The following SMYD4 variants were observed in gnomAD, a reference collection of about 807,000 sequenced individuals.
SMYD4 encodes the protein protein-lysine N-methyltransferase SMYD4.
In SMYD4, 68 loss-of-function variants were observed where a neutral mutation model predicts 72.8. The observed-to-expected ratio is 0.93, with a 90% CI of 0.77 to 1.14. The LOEUF (loss-of-function observed/expected upper bound fraction) is 1.14. SMYD4 is among the 50% of genes most tolerant of loss of function. The probability of loss-of-function intolerance (pLI) is 0.00; values close to 1 mark genes in which losing one functional copy is unlikely to be tolerated. For missense variants in SMYD4, 984 were observed against 1,003.7 expected (o/e 0.98, Z 0.27); for synonymous variants, 407 against 388.6 (o/e 1.05, Z -0.56).
chr17:1,784,743 C>T (rs749300684), intron 7 of SMYD4, among the ~76,000 whole-genome samples: 5 of 152,054 alleles, frequency 3.3e-5, no homozygotes, highest in Non-Finnish European at 5.9e-5. Flanking sequence ...CCCCTCTTGT[C>T]GCTTTTTGGG....
chr17:1,814,702 T>C (rs1404729885), intron 2 of SMYD4: 4 of 152,116 alleles, frequency 2.6e-5, no homozygotes, highest in Non-Finnish European at 5.9e-5. Context: ...CAAGCACTTG[T>C]AGTCTCAGCT....
At chr17:1,812,193 C>G in intron 2 of SMYD4, 78 bp from the exon 3 acceptor site, 1 of 1,513,758 alleles carries the variant, frequency 6.6e-7, no homozygotes, top group African/African-American at 1.4e-5. Context: ...GCCCTCAAAA[C>G]AAGAAAGTGG....
At chr17:1,794,105 A>ATATTTTTTTT (rs1291818005) in intron 5 of SMYD4, among the ~76,000 whole-genome samples, 1 of 12,992 alleles carries the variant, frequency 7.7e-5, no homozygotes, top group Non-Finnish European at 1.4e-4. Context: ...ATATATATAT[A>ATATTTTTTTT]TTTTTTTTTT....
intron 7 of SMYD4, among the ~76,000 whole-genome samples, 156 bp downstream of exon 7, chr17:1,786,653 AG>A (rs1908707720): frequency 6.6e-6 from 1 of 152,280 alleles, no homozygotes; most frequent in Non-Finnish European, 1.5e-5. Context: ...GTTTCTCTGG[AG>A]GGGAACTAGT....
chr17:1,782,193 C>T (rs907270989), intron 10 of SMYD4: 1 of 152,128 alleles, frequency 6.6e-6, no homozygotes, highest in Non-Finnish European at 1.5e-5. Context: ...AAACAAAAAA[C>T]AAACAACAGC....
chr17:1,784,887 A>G (rs1908571932), intron 7 of SMYD4, among the ~76,000 whole-genome samples: 1 of 151,330 alleles, frequency 6.6e-6, no homozygotes, highest in Admixed American at 6.6e-5. Flanking sequence ...CTCCTGCCTC[A>G]GTCTCCCGAG....
rs1171209912 is a variant in SMYD4, at chr17:1,781,315, G to GT, written c.2385dup (p.Pro796ThrfsTer28). On this transcript the variant is annotated frameshift_variant, in exon 11 of 11. Coordinates refer to ENST00000305513, the MANE Select transcript of SMYD4 (RefSeq NM_052928.3). LOFTEE classifies it high-confidence loss of function. ...AATGCAGGCCCTACAGGGGTGGGTGGTAAGTCCAACAAACAGGATTTCATC... is the reference window on the plus strand; with the variant it reads ...AATGCAGGCCCTACAGGGGTGGGTGGTTAAGTCCAACAAACAGGATTTCATC... 9.3e-6 allele frequency: 15 copies of GT among 1,613,516 alleles called. No individual in the cohort carries two copies. Among genetic ancestry groups the GT allele is most frequent in the Non-Finnish European group, 1.3e-5 (15 of 1,180,046 alleles).
chr17:1,829,194 G>A (rs1249673000), intron 1 of SMYD4, among the ~76,000 whole-genome samples: 1 of 151,758 alleles, frequency 6.6e-6, no homozygotes, highest in East Asian at 1.9e-4. Context: ...ATCCTTACTT[G>A]ACCCTTGTCT....
chr17:1,819,866 C>A (rs888124514), intron 2 of SMYD4, among the ~76,000 whole-genome samples: 1 of 152,198 alleles, frequency 6.6e-6, no homozygotes, highest in Admixed American at 6.5e-5. Flanking sequence ...TGGTTCACTG[C>A]AACCTTCGCC....
chr17:1,827,944 A>C lies in SMYD4; in HGVS notation c.51T>G (p.Ala17=). 6.2e-7 allele frequency: 1 copy of C among 1,613,592 alleles called. No homozygotes were observed. The highest frequency in any genetic ancestry group is 8.5e-7 in the Non-Finnish European group (1 of 1,179,516). The part of the protein sequence containing the change: ...EWKSYLLQKW[A]SLPTSVQVTI... ...TGACCTGAACAGACGTCGGGAGTGAAGCCCACTTTTGAAGCAGATATGATT... is the reference window on the plus strand; with the variant it reads ...TGACCTGAACAGACGTCGGGAGTGACGCCCACTTTTGAAGCAGATATGATT... Residue 17 remains alanine (A), a synonymous_variant, in exon 2 of 11, where the codon GCT becomes GCG. Coordinates refer to ENST00000305513, the MANE Select transcript of SMYD4 (RefSeq NM_052928.3).
chr17:1,807,621 C>T (rs1247256293), intron 3 of SMYD4, among the ~76,000 whole-genome samples: 1 of 152,142 alleles, frequency 6.6e-6, no homozygotes. Flanking sequence ...CCTCAGCCTC[C>T]CAAAGTGCTA....
At chr17:1,810,232 C>T (rs976081337) in intron 3 of SMYD4, among the ~76,000 whole-genome samples, 8 of 151,838 alleles carry the variant, frequency 5.3e-5, no homozygotes, top group Non-Finnish European at 1.0e-4. Context: ...TACAGGGTAT[C>T]GGAAGGAATA....
intron 2 of SMYD4, among the ~76,000 whole-genome samples, chr17:1,827,199 G>A (rs1054792258): frequency 2.0e-5 from 3 of 151,264 alleles, no homozygotes; most frequent in East Asian, 1.9e-4. Flanking sequence ...TAAATTAGCC[G>A]AGCATGGTGG....
At chr17:1,809,749 A>G (rs1196604191) in intron 3 of SMYD4, among the ~76,000 whole-genome samples, 2 of 149,484 alleles carry the variant, frequency 1.3e-5, no homozygotes, top group Non-Finnish European at 3.0e-5. Context: ...GGCTCACTGC[A>G]AGCTCCGCCT....
chr17:1,795,445 A>ATCT (rs1909352070), intron 5 of SMYD4, among the ~76,000 whole-genome samples: 1 of 126,188 alleles, frequency 7.9e-6, no homozygotes, highest in Non-Finnish European at 1.8e-5. Context: ...CTATCTATCT[A>ATCT]ATCATCTATC....
chr17:1,796,623 G>C (rs1909424451), intron 5 of SMYD4, among the ~76,000 whole-genome samples: 1 of 151,888 alleles, frequency 6.6e-6, no homozygotes, highest in African/African-American at 2.4e-5. Context: ...TTTTAGTAGA[G>C]ATGGGGTTTC....
intron 2 of SMYD4, among the ~76,000 whole-genome samples, chr17:1,824,066 G>A (rs1052795565): frequency 2.0e-5 from 3 of 152,200 alleles, no homozygotes; most frequent in African/African-American, 7.2e-5. Context: ...CTATAGGCCA[G>A]GTGGGGTGGC....
At chr17:1,797,916 C>T (rs555588384) in intron 5 of SMYD4, among the ~76,000 whole-genome samples, 4 of 151,968 alleles carry the variant, frequency 2.6e-5, no homozygotes, top group Admixed American at 6.6e-5. Context: ...GCAGGAGAAT[C>T]GCTTGAACCT....
At chr17:1,815,947 G>C (rs976368237) in intron 2 of SMYD4, among the ~76,000 whole-genome samples, 2 of 152,018 alleles carry the variant, frequency 1.3e-5, no homozygotes, top group Non-Finnish European at 2.9e-5. Context: ...TGATCCGCCC[G>C]CCTTGGCCTC....
Sources: gnomAD v4.1 joint callset for allele counts (sites outside exome capture counted in the v4.1 genomes callset) on GRCh38, gnomAD v4.1.1 for gene constraint, MANE v1.5 for transcripts, NCBI Gene and HGNC (gene_info 2026-07-23, HGNC 2026-07-21) for gene names.